Variants in TATDN1 observed in about 807,000 individuals in gnomAD.
TATDN1 encodes deoxyribonuclease TATDN1.
TATDN1 carries 40 observed loss-of-function variants against 46.4 expected under a neutral mutation model. The ratio of observed to expected loss-of-function variants is 0.86; its 90% CI spans 0.67 to 1.12. The LOEUF (loss-of-function observed/expected upper bound fraction) is 1.12. TATDN1 is among the 50% of genes most tolerant of loss of function. TATDN1 has a pLI of 0.00. For synonymous variants in TATDN1, 95 were observed against 105.6 expected, an observed-to-expected ratio of 0.90 and a Z score of 0.62; for missense variants, 326 against 348.4, an observed-to-expected ratio of 0.94 and a Z score of 0.51.
chr8:124,509,019 C>T (rs550613603), intron 6 of TATDN1, among the ~76,000 whole-genome samples: 16 of 152,290 alleles, frequency 1.1e-4, no homozygotes, highest in African/African-American at 3.6e-4. Context: ...ATACTGCATG[C>T]TAATCTATTC....
chr8:124,504,995 T>C (rs536155715), intron 8 of TATDN1, among the ~76,000 whole-genome samples: 1 of 151,062 alleles, frequency 6.6e-6, no homozygotes, highest in East Asian at 2.0e-4. Context: ...CCTCAGGTGA[T>C]TCGCCCGCCT....
At chr8:124,524,583 T>A (rs1233359328) in intron 1 of TATDN1, among the ~76,000 whole-genome samples, 1 of 152,188 alleles carries the variant, frequency 6.6e-6, no homozygotes, top group Non-Finnish European at 1.5e-5. Flanking sequence ...ATGGTCTGTA[T>A]CTCTTCTAGA....
At chr8:124,520,438 GAA>G (rs371891058) in intron 3 of TATDN1, among the ~76,000 whole-genome samples, 2 of 113,970 alleles carry the variant, frequency 1.8e-5, no homozygotes, top group Non-Finnish European at 3.8e-5. Context: ...CTCGCCTCCA[GAA>G]AAAAAAAAAA....
At chr8:124,515,322 G>A (rs967122406) in intron 6 of TATDN1, among the ~76,000 whole-genome samples, 11 of 152,018 alleles carry the variant, frequency 7.2e-5, no homozygotes, top group Non-Finnish European at 1.3e-4. Context: ...TGGAGGTTGC[G>A]GTGAGCTGAG....
At chr8:124,500,600 T>C (rs1817871792) in intron 9 of TATDN1, among the ~76,000 whole-genome samples, 1 of 151,804 alleles carries the variant, frequency 6.6e-6, no homozygotes, top group Non-Finnish European at 1.5e-5. Flanking sequence ...TCAGCTATTA[T>C]ACTTGGGAGG....
At chr8:124,506,352 A>AG (rs1378560819) in intron 8 of TATDN1, among the ~76,000 whole-genome samples, 15 of 148,694 alleles carry the variant, frequency 1.0e-4, no homozygotes, top group African/African-American at 3.3e-4. Context: ...AAAAAAAAAA[A>AG]AAAAGAAAAA....
At chr8:124,532,133 G>A (rs1821020331) in intron 1 of TATDN1, among the ~76,000 whole-genome samples, 1 of 152,138 alleles carries the variant, frequency 6.6e-6, no homozygotes, top group Non-Finnish European at 1.5e-5. Flanking sequence ...AACTCGGGAA[G>A]GAGCCACATG....
chr8:124,511,243 A>G (rs946173853), intron 6 of TATDN1, among the ~76,000 whole-genome samples: 4 of 152,212 alleles, frequency 2.6e-5, no homozygotes, highest in African/African-American at 9.6e-5. Context: ...CAAGAGCTGG[A>G]AAAGTTCAGC....
At position 124,496,109 on chromosome 8, in the gene TATDN1, C is replaced by T. The variant is rs1380918471; in HGVS notation, c.594-567G>A. Among the ~76,000 whole-genome samples the T allele has an allele frequency of 5.3e-5, 8 of 152,318 alleles. No individual in the cohort carries two copies. The South Asian group carries it at 1.5e-3, about 28-fold the overall frequency. On this transcript the variant is annotated intron_variant, in intron 9 of 11. Transcript: ENST00000276692. ...AACATAAATGCTTCCTGTAATGTGG[C>T]AGTGAGGTTTGGGATGGTGTAGCAT...
rs202120505 is a variant in TATDN1, at chr8:124,488,640, T to C, written c.848A>G (p.Asn283Ser). The stretch of plus-strand genomic sequence containing the variant: ...TTTAATAGTATTGTTATATAGTGTA[T>C]TGGCTAATTCCAGTGGATCCTCATC... ...VRDEDPLELA[N>S]TLYNNTIKVF... The change falls in exon 12 of 12, where the codon AAT (asparagine) becomes AGT (serine). Residue 283 changes from asparagine (N) to serine (S), a missense_variant. Asn to Ser is a conservative substitution (Grantham distance 46). Coordinates refer to ENST00000276692, the MANE Select transcript of TATDN1 (RefSeq NM_032026.4). 2 of 1,605,706 alleles carry C rather than the reference T, an allele frequency of 1.2e-6. No homozygotes were observed. The highest frequency in any genetic ancestry group is 4.5e-5 in the East Asian group (2 of 44,698).
chr8:124,512,422 C>G (rs963915847), intron 6 of TATDN1, among the ~76,000 whole-genome samples: 7 of 152,072 alleles, frequency 4.6e-5, no homozygotes, highest in African/African-American at 1.7e-4. Flanking sequence ...GAGACTCCAT[C>G]TCAAAAAACA....
At chr8:124,506,951 CA>C (rs1370837119) in intron 8 of TATDN1, among the ~76,000 whole-genome samples, 1 of 152,054 alleles carries the variant, frequency 6.6e-6, no homozygotes, top group Non-Finnish European at 1.5e-5. Context: ...ATCATGAGGT[CA>C]AGAGATCGAG....
chr8:124,530,724 T>C (rs142612943), intron 1 of TATDN1, among the ~76,000 whole-genome samples: 41 of 152,284 alleles, frequency 2.7e-4, no homozygotes, highest in African/African-American at 9.4e-4. Flanking sequence ...TAGCTAAACA[T>C]CGAAGTTATC....
At chr8:124,491,883 A>G (rs4457314) in intron 11 of TATDN1, among the ~76,000 whole-genome samples, 14,101 of 152,268 alleles carry the variant, frequency 0.093, 828 homozygotes, top group Non-Finnish European at 0.14. Context: ...TATTTTTTAA[A>G]TGTGGTTTAA....
At chr8:124,530,933 C>G (rs1413367658) in intron 1 of TATDN1, among the ~76,000 whole-genome samples, 1 of 152,094 alleles carries the variant, frequency 6.6e-6, no homozygotes. Flanking sequence ...TTCCAAGATT[C>G]AGCAAGGGTT....
chr8:124,537,947 GAA>G (rs34664004), intron 1 of TATDN1, among the ~76,000 whole-genome samples: 1 of 149,690 alleles, frequency 6.7e-6, no homozygotes, highest in Admixed American at 6.7e-5. Context: ...CAACGTCTTT[GAA>G]AAAAAAAAAT....
At chr8:124,520,191 C>T (rs1444050228) in intron 3 of TATDN1, among the ~76,000 whole-genome samples, 1 of 152,184 alleles carries the variant, frequency 6.6e-6, no homozygotes, top group Non-Finnish European at 1.5e-5. Flanking sequence ...AATCCCAGCA[C>T]TTTGGGAGGC....
Position 124,515,973 on chromosome 8 carries a change from T to C in TATDN1, c.260A>G (p.Asn87Ser). 1.2e-6 allele frequency: 2 copies of C among 1,613,872 alleles called. No individual in the cohort carries two copies. Among genetic ancestry groups the C allele is most frequent in the African/African-American group, 1.3e-5 (1 of 75,062 alleles). The part of the protein sequence containing the change: ...HPTRCGEFEK[N>S]NPDLYLKELL... The stretch of plus-strand genomic sequence containing the variant: ...CTCCTTTAAGTAAAGATCAGGGTTA[T>C]TCTTTTCAAATTCACCACATCTTGT... Residue 87 changes from asparagine (N) to serine (S), a missense_variant, in exon 5 of 12, where the codon AAT (asparagine) becomes AGT (serine). By Grantham distance (46) the Asn-to-Ser change is conservative. Transcript: ENST00000276692.
chr8:124,500,702 A>G (rs950357791), intron 9 of TATDN1, among the ~76,000 whole-genome samples: 1 of 151,738 alleles, frequency 6.6e-6, no homozygotes, highest in African/African-American at 2.4e-5. Flanking sequence ...AACAACAACT[A>G]AGAATTATGG....
Sources: gnomAD v4.1 joint callset for allele counts (sites outside exome capture counted in the v4.1 genomes callset) on GRCh38, gnomAD v4.1.1 for gene constraint, MANE v1.5 for transcripts, NCBI Gene and HGNC (gene_info 2026-07-23, HGNC 2026-07-21) for gene names.